Variants in SEMA6D observed in about 807,000 individuals in gnomAD.
SEMA6D encodes semaphorin-6D.
A neutral mutation model predicts 106.6 loss-of-function variants in SEMA6D; 35 were observed. The ratio of observed to expected loss-of-function variants is 0.33; its 90% CI spans 0.25 to 0.44. SEMA6D has a LOEUF of 0.44. Among genes scored for constraint, SEMA6D ranks in the 20% least tolerant of loss-of-function variants. SEMA6D has a pLI of 1.00. For synonymous variants in SEMA6D, 499 were observed against 487.7 expected (o/e 1.02, Z -0.31); for missense variants, 1,185 against 1,345.9 (o/e 0.88, Z 1.87).
intron 3 of SEMA6D, among the ~76,000 whole-genome samples, chr15:47,482,086 G>A (rs1409700707): frequency 1.3e-5 from 2 of 152,158 alleles, no homozygotes; most frequent in African/African-American, 4.8e-5. Context: ...TCTGAGTGGG[G>A]AAAACAAATG....
chr15:47,672,878 A>G (rs72735833), intron 4 of SEMA6D, among the ~76,000 whole-genome samples: 6,015 of 152,336 alleles, frequency 0.039, 165 homozygotes, highest in Non-Finnish European at 0.053. Flanking sequence ...AACTTAAATG[A>G]TATTTGGAAA....
intron 3 of SEMA6D, among the ~76,000 whole-genome samples, chr15:47,491,477 A>C (rs2141439018): frequency 6.6e-6 from 1 of 152,346 alleles, no homozygotes; most frequent in African/African-American, 2.4e-5. Flanking sequence ...TTTTATGCAA[A>C]TATATGTGGC....
At chr15:47,497,218 C>A (rs1398186028) in intron 3 of SEMA6D, among the ~76,000 whole-genome samples, 2 of 152,052 alleles carry the variant, frequency 1.3e-5, no homozygotes, top group Admixed American at 1.3e-4. Context: ...TTTCTTGCTG[C>A]TTCTGCCAGC....
At chr15:47,628,658 C>T (rs2077243290) in intron 4 of SEMA6D, among the ~76,000 whole-genome samples, 1 of 151,914 alleles carries the variant, frequency 6.6e-6, no homozygotes, top group South Asian at 2.1e-4. Flanking sequence ...AGTCCTTTGT[C>T]AGTTGTATGT....
intron 4 of SEMA6D, among the ~76,000 whole-genome samples, chr15:47,622,337 T>G (rs1490067252): frequency 6.6e-6 from 1 of 152,116 alleles, no homozygotes; most frequent in African/African-American, 2.4e-5. Flanking sequence ...AAGCTGAAAT[T>G]CTGTCTGATT....
intron 13 of SEMA6D, chr15:47,765,553 T>C (rs961097972): frequency 8.5e-6 from 6 of 702,062 alleles, no homozygotes; most frequent in African/African-American, 1.9e-5. Context: ...CAGAACCATC[T>C]AACACAGGAA....
intron 1 of SEMA6D, among the ~76,000 whole-genome samples, chr15:47,231,387 CTCTT>C (rs2032186239): frequency 1.3e-5 from 2 of 151,952 alleles, no homozygotes; most frequent in South Asian, 4.1e-4. Flanking sequence ...CCATCCATTC[CTCTT>C]TCTTAATCTT....
intron 1 of SEMA6D, among the ~76,000 whole-genome samples, chr15:47,343,503 A>G (rs2037914465): frequency 6.6e-6 from 1 of 150,650 alleles, no homozygotes; most frequent in African/African-American, 2.5e-5. Flanking sequence ...GAGAACATGC[A>G]GTGTTTGGTT....
intron 1 of SEMA6D, among the ~76,000 whole-genome samples, chr15:47,346,381 A>G (rs192218541): frequency 1.2e-3 from 186 of 152,256 alleles, no homozygotes; most frequent in African/African-American, 4.4e-3. Context: ...CATGTGTCTA[A>G]GAAGGTCACT....
intron 1 of SEMA6D, among the ~76,000 whole-genome samples, chr15:47,257,925 A>C (rs1233589981): frequency 1.3e-5 from 2 of 151,974 alleles, no homozygotes; most frequent in Non-Finnish European, 2.9e-5. Flanking sequence ...ATGTATTTTG[A>C]GGTTATGTTT....
intron 1 of SEMA6D, among the ~76,000 whole-genome samples, chr15:47,206,919 A>G (rs901563008): frequency 2.6e-5 from 4 of 152,136 alleles, no homozygotes; most frequent in Admixed American, 2.0e-4. Context: ...TTCAGAAACA[A>G]ACAGCAAAGA....
At chr15:47,430,188 A>G (rs1438824183) in intron 2 of SEMA6D, among the ~76,000 whole-genome samples, 1 of 152,038 alleles carries the variant, frequency 6.6e-6, no homozygotes. Flanking sequence ...ACTTCACATC[A>G]TTCCCCCAAA....
chr15:47,490,930 ATG>A (rs1276654458), intron 3 of SEMA6D, among the ~76,000 whole-genome samples: 1 of 152,182 alleles, frequency 6.6e-6, no homozygotes, highest in African/African-American at 2.4e-5. Flanking sequence ...TGGGAGAAAA[ATG>A]TGAGAAACTC....
intron 3 of SEMA6D, among the ~76,000 whole-genome samples, chr15:47,537,267 A>G (rs1217718467): frequency 6.6e-6 from 1 of 152,238 alleles, no homozygotes; most frequent in Non-Finnish European, 1.5e-5. Context: ...GTTTGAACAG[A>G]TTATAAAACA....
chr15:47,479,212 A>G (rs1046573040), intron 3 of SEMA6D, among the ~76,000 whole-genome samples: 2 of 151,790 alleles, frequency 1.3e-5, no homozygotes, highest in Admixed American at 6.6e-5. Context: ...CAAGTGGGTT[A>G]TATGCTCCTG....
chr15:47,734,378 G>A (rs1272927173), intron 1 of SEMA6D, among the ~76,000 whole-genome samples: 2 of 152,182 alleles, frequency 1.3e-5, no homozygotes, highest in Non-Finnish European at 2.9e-5. Flanking sequence ...TATGTGACCT[G>A]GAGCTGCACT....
In SEMA6D at chr15:47,228,163, C is replaced by CACACACACACACACACATAT. The variant is rs374770930; in HGVS notation, c.-239+43746_-239+43747insCACACACACACACACATATA. ...ACACACACACACACACACACACACA[C>CACACACACACACACACATAT]ATATATATATAACCTTTTGTTACTT... is the stretch of plus-strand genomic sequence containing the variant. On this transcript the variant is annotated intron_variant, in intron 1 of 19. Transcript: ENST00000558014. 1.2e-3 allele frequency among the ~76,000 whole-genome samples: 170 copies of CACACACACACACACACATAT among 136,810 alleles called. 2 individuals are homozygous for CACACACACACACACACATAT. The highest frequency in any genetic ancestry group is 1.6e-3 in the Non-Finnish European group (106 of 64,528). The allele number at this position is 136,810 out of a possible 152,430, so 89.8% of individuals were successfully genotyped here.
chr15:47,435,311 T>A (rs2041666742), intron 2 of SEMA6D, among the ~76,000 whole-genome samples: 1 of 152,148 alleles, frequency 6.6e-6, no homozygotes, highest in Non-Finnish European at 1.5e-5. Flanking sequence ...CTATCTTTGA[T>A]TCTGTTATTT....
intron 1 of SEMA6D, among the ~76,000 whole-genome samples, chr15:47,327,860 A>G (rs2037193239): frequency 6.6e-6 from 1 of 152,168 alleles, no homozygotes; most frequent in Non-Finnish European, 1.5e-5. Flanking sequence ...GGGAAGTAAT[A>G]TTTATTGAAT....
Sources: allele counts gnomAD v4.1 joint callset (sites outside exome capture counted in the v4.1 genomes callset), GRCh38; gene constraint gnomAD v4.1.1; transcripts MANE v1.5; gene names NCBI Gene and HGNC (gene_info 2026-07-23, HGNC 2026-07-21).